Variants in FHOD3 observed in about 807,000 individuals in gnomAD.
FHOD3 encodes the protein FH1/FH2 domain-containing protein 3.
Under a neutral mutation model 173.0 loss-of-function variants are expected in FHOD3, and 90 were observed. That is an observed-to-expected ratio of 0.52 (90% CI 0.44 to 0.62). FHOD3 has a LOEUF of 0.62. Among genes scored for constraint, FHOD3 ranks in the 20% least tolerant of loss-of-function variants. The pLI, the probability that FHOD3 is intolerant of heterozygous loss-of-function variation, is 0.00. For synonymous variants in FHOD3, 828 were observed against 823.0 expected (o/e 1.01, Z -0.10); for missense variants, 1,945 against 2,034.7 (o/e 0.96, Z 0.85).
intron 1 of FHOD3, among the ~76,000 whole-genome samples, chr18:36,333,677 C>T (rs1422776727): frequency 1.3e-5 from 2 of 152,216 alleles, no homozygotes; most frequent in Non-Finnish European, 2.9e-5. Context: ...CCAACAGCTT[C>T]AGTGGCACCT....
At chr18:36,450,098 A>C (rs2051736861) in intron 3 of FHOD3, among the ~76,000 whole-genome samples, 1 of 152,160 alleles carries the variant, frequency 6.6e-6, no homozygotes, top group Non-Finnish European at 1.5e-5. Flanking sequence ...GAGTCCCCAA[A>C]GTCCATTGTA....
intron 5 of FHOD3, among the ~76,000 whole-genome samples, chr18:36,532,260 G>T (rs1307283187): frequency 6.6e-6 from 1 of 152,180 alleles, no homozygotes; most frequent in Non-Finnish European, 1.5e-5. Flanking sequence ...AGTGTTCGGG[G>T]AACACAGGGC....
intron 5 of FHOD3, among the ~76,000 whole-genome samples, chr18:36,537,535 GA>G (rs1274174516): frequency 6.6e-6 from 1 of 152,134 alleles, no homozygotes; most frequent in South Asian, 2.1e-4. Context: ...GGGTGTCAGA[GA>G]AAGCCAAGTA....
At position 36,366,628 on chromosome 18, in the gene FHOD3, C is replaced by T. The variant is rs553198823; in HGVS notation, c.273-6052C>T. Among the ~76,000 whole-genome samples the T allele has an allele frequency of 5.3e-5, 8 of 152,302 alleles. No homozygotes were observed. In the South Asian group the frequency reaches 1.2e-3, roughly 24 times the overall value. On this transcript the variant is annotated intron_variant, in intron 2 of 28. Transcript: ENST00000590592. ...CTGCCAGGGGAGAAGAGAACACACC[C>T]GGAGATTAATGTAGTGGCAACTGCC... is the stretch of plus-strand genomic sequence containing the variant.
intron 3 of FHOD3, among the ~76,000 whole-genome samples, chr18:36,382,282 T>C (rs1451863468): frequency 1.3e-5 from 2 of 152,218 alleles, no homozygotes; most frequent in African/African-American, 4.8e-5. Context: ...AGGGATGGGC[T>C]GTGGCTCTTC....
chr18:36,594,959 T>A lies in FHOD3; in HGVS notation c.718+61T>A. The A allele has an allele frequency of 2.9e-5, 31 of 1,069,534 alleles. No individual in the cohort carries two copies. In the South Asian group the frequency reaches 4.3e-4, roughly 15 times the overall value. The allele number at this position is 1,069,534 out of a possible 1,614,324, so 66.3% of individuals were successfully genotyped here. On this transcript the variant is annotated intron_variant, in intron 7 of 28. Coordinates refer to ENST00000590592, the MANE Select transcript of FHOD3 (RefSeq NM_001281740.3). Reference sequence around the variant, plus strand: ...AAGGTGTCTAATGTAGGGAGGCTTCTGTGTTGTACATGCTTGAGACAGATA... The same window carrying A: ...AAGGTGTCTAATGTAGGGAGGCTTCAGTGTTGTACATGCTTGAGACAGATA...
Position 36,428,470 on chromosome 18 carries a change from G to A in FHOD3, c.337+55726G>A, listed in dbSNP as rs981064697. On this transcript the variant is annotated intron_variant, in intron 3 of 28. Transcript: ENST00000590592. ...ACAGCCCCACTCCGGCCTGTGAAGTGTATGGGAGGTTTACTGCAAGGATGC... is the reference window on the plus strand; with the variant it reads ...ACAGCCCCACTCCGGCCTGTGAAGTATATGGGAGGTTTACTGCAAGGATGC... Among the ~76,000 whole-genome samples the A allele has an allele frequency of 3.3e-5, 5 of 152,184 alleles. No individual in the cohort carries two copies. The South Asian group carries it at 1.0e-3, about 32-fold the overall frequency.
chr18:36,604,240 C>T (rs2031801077), intron 8 of FHOD3, among the ~76,000 whole-genome samples: 2 of 152,324 alleles, frequency 1.3e-5, no homozygotes, highest in Middle Eastern at 3.4e-3. Flanking sequence ...GGGTGTGAGC[C>T]TGCAGGACCA....
chr18:36,559,790 A>G lies in FHOD3; in HGVS notation c.512-16661A>G, dbSNP rs2058025539. Among the ~76,000 whole-genome samples the G allele has an allele frequency of 2.0e-5, 3 of 152,246 alleles. No homozygotes were observed. The South Asian group carries it at 6.2e-4, about 32-fold the overall frequency. On this transcript the variant is annotated intron_variant, in intron 5 of 28. Coordinates refer to ENST00000590592, the MANE Select transcript of FHOD3 (RefSeq NM_001281740.3). ...TTGTATAAAAATACAGGGCCATGAG[A>G]ACACATTGCTAGGGCCCCTCCCAAG... is the stretch of plus-strand genomic sequence containing the variant.
intron 5 of FHOD3, among the ~76,000 whole-genome samples, chr18:36,557,671 A>G (rs2057941776): frequency 6.6e-6 from 1 of 152,222 alleles, no homozygotes; most frequent in Non-Finnish European, 1.5e-5. Flanking sequence ...AATTTCACAC[A>G]CTGTGACTTG....
intron 1 of FHOD3, among the ~76,000 whole-genome samples, chr18:36,304,572 C>T (rs1226028200): frequency 2.0e-5 from 3 of 151,534 alleles, no homozygotes; most frequent in Non-Finnish European, 4.4e-5. Flanking sequence ...TTTTTCATAC[C>T]TCCAATGATA....
At chr18:36,620,816 A>T (rs1033185497) in intron 9 of FHOD3, among the ~76,000 whole-genome samples, 1 of 152,246 alleles carries the variant, frequency 6.6e-6, no homozygotes, top group African/African-American at 2.4e-5. Flanking sequence ...CTGAAAGTTA[A>T]TGCATCTCAA....
intron 3 of FHOD3, among the ~76,000 whole-genome samples, chr18:36,422,796 A>G (rs985135016): frequency 6.6e-6 from 1 of 152,240 alleles, no homozygotes; most frequent in Non-Finnish European, 1.5e-5. Context: ...ATTAAATCTG[A>G]TTAATTTAAG....
At position 36,298,067 on chromosome 18, in the gene FHOD3, G is replaced by T. The variant is rs890386408; in HGVS notation, c.165+67G>T. 1.8e-5 allele frequency: 25 copies of T among 1,366,112 alleles called. 1 individual carries two copies. The highest frequency in any genetic ancestry group is 1.2e-4 in the East Asian group (4 of 32,298). 84.6% of individuals were successfully genotyped at this position (1,366,112 alleles called of 1,614,324 possible). On this transcript the variant is annotated intron_variant, in intron 1 of 28. Transcript: ENST00000590592. ...CCCTGCCGCGGTGCGCGCCGGGGTG[G>T]GTCCCGGGGCTTCGTGGGCCCCCTG...
chr18:36,708,317 C>T (rs1262543644), intron 17 of FHOD3, among the ~76,000 whole-genome samples: 1 of 152,218 alleles, frequency 6.6e-6, no homozygotes, highest in Non-Finnish European at 1.5e-5. Context: ...ATGAACCTCA[C>T]TGGTTCAGCC....
chr18:36,684,887 C>T (rs189431991), intron 15 of FHOD3, among the ~76,000 whole-genome samples: 521 of 152,240 alleles, frequency 3.4e-3, no homozygotes, highest in South Asian at 5.0e-3. Context: ...ACTGCAGCCT[C>T]GACCTCCCAG....
chr18:36,700,631 G>A (rs547899715), intron 17 of FHOD3, among the ~76,000 whole-genome samples: 14 of 151,990 alleles, frequency 9.2e-5, no homozygotes, highest in Admixed American at 3.3e-4. Flanking sequence ...CTTCTGATAG[G>A]TTTCACTTCT....
At chr18:36,473,695 GC>G (rs2053408314) in intron 3 of FHOD3, among the ~76,000 whole-genome samples, 1 of 152,204 alleles carries the variant, frequency 6.6e-6, no homozygotes, top group Non-Finnish European at 1.5e-5. Flanking sequence ...GGAGACACCA[GC>G]TTTTCCACAC....
intron 20 of FHOD3, 89 bp from the exon 21 acceptor site, chr18:36,740,567 A>T: frequency 7.6e-7 from 1 of 1,307,708 alleles, no homozygotes. Flanking sequence ...ACCTGGTTGG[A>T]AAATTATAAT....
Sources: allele counts gnomAD v4.1 joint callset (sites outside exome capture counted in the v4.1 genomes callset), GRCh38; gene constraint gnomAD v4.1.1; transcripts MANE v1.5; gene names NCBI Gene and HGNC (gene_info 2026-07-23, HGNC 2026-07-21).